KCMF1: variants seen among roughly 807,000 people sequenced by gnomAD.
KCMF1 encodes the protein E3 ubiquitin-protein ligase KCMF1.
Under a neutral mutation model 41.1 loss-of-function variants are expected in KCMF1, and 3 were observed. The ratio of observed to expected loss-of-function variants is 0.07; its 90% confidence interval spans 0.03 to 0.19. KCMF1 has a LOEUF of 0.19. KCMF1 is among the 10% of genes least tolerant of loss of function. KCMF1 has a pLI of 1.00. For synonymous variants in KCMF1, 142 were observed against 164.5 expected (o/e 0.86, Z 1.04); for missense variants, 286 against 488.9 (o/e 0.58, Z 3.91).
At chr2:85,023,065 T>G in intron 1 of KCMF1, among the ~76,000 whole-genome samples, 1 of 151,348 alleles carries the variant, frequency 6.6e-6, no homozygotes, top group East Asian at 2.0e-4. Flanking sequence ...TTTTTTGTAT[T>G]TTTAGTAGAG....
At chr2:84,992,503 C>T (rs1350770185) in intron 1 of KCMF1, among the ~76,000 whole-genome samples, 2 of 152,100 alleles carry the variant, frequency 1.3e-5, no homozygotes, top group African/African-American at 2.4e-5. Flanking sequence ...TGAGCCACCG[C>T]GCCTGGCCCG....
intron 1 of KCMF1, among the ~76,000 whole-genome samples, chr2:85,003,477 CA>C (rs937465455): frequency 3.7e-4 from 53 of 142,388 alleles, no homozygotes; most frequent in African/African-American, 6.9e-4. Context: ...GACTCCGTCT[CA>C]AAAAAAAAAA....
chr2:84,972,747 C>T (rs1385974422), intron 1 of KCMF1, among the ~76,000 whole-genome samples: 1 of 152,206 alleles, frequency 6.6e-6, no homozygotes, highest in Non-Finnish European at 1.5e-5. Context: ...TTTCAAAATT[C>T]GCATTACTAA....
At chr2:85,021,853 G>C (rs575267207) in intron 1 of KCMF1, among the ~76,000 whole-genome samples, 2 of 152,192 alleles carry the variant, frequency 1.3e-5, no homozygotes, top group South Asian at 4.1e-4. Flanking sequence ...TCTTGCTCTT[G>C]TTCCCCAGGC....
At chr2:84,993,303 A>C (rs1247304954) in intron 1 of KCMF1, among the ~76,000 whole-genome samples, 1 of 152,162 alleles carries the variant, frequency 6.6e-6, no homozygotes, top group Non-Finnish European at 1.5e-5. Flanking sequence ...CTCATGACAT[A>C]ATAGATGTGT....
intron 1 of KCMF1, among the ~76,000 whole-genome samples, chr2:85,018,531 A>G (rs979837906): frequency 5.3e-5 from 8 of 152,024 alleles, no homozygotes; most frequent in Non-Finnish European, 7.4e-5. Context: ...CGGCCTCCCA[A>G]AGCCCTGGGA....
At chr2:84,993,868 G>A (rs111274319) in intron 1 of KCMF1, among the ~76,000 whole-genome samples, 2,661 of 151,538 alleles carry the variant, frequency 0.018, 62 homozygotes, top group African/African-American at 0.061. Flanking sequence ...GAGCTACTGC[G>A]CTTGACCTAC....
chr2:85,056,091 T>C lies in KCMF1; in HGVS notation c.*2682T>C, dbSNP rs964731467. 2.0e-5 allele frequency: 3 copies of C among 151,072 alleles called. No individual in the cohort carries two copies. Among genetic ancestry groups the C allele is most frequent in the African/African-American group, 7.4e-5 (3 of 40,808 alleles). The allele number at this position is 151,072 out of a possible 1,614,324, so 9.4% of individuals were successfully genotyped here. On this transcript the variant is annotated 3_prime_UTR_variant, in exon 7 of 7. Coordinates refer to ENST00000409785, the MANE Select transcript of KCMF1 (RefSeq NM_020122.5). ...GTGGTTGGCTACCGTGAAATCTTTGTATTTATATTGCATTGTTTTGTTAAA... is the reference window on the plus strand; with the variant it reads ...GTGGTTGGCTACCGTGAAATCTTTGCATTTATATTGCATTGTTTTGTTAAA...
intron 1 of KCMF1, among the ~76,000 whole-genome samples, chr2:85,013,078 T>C (rs1674686585): frequency 6.6e-6 from 1 of 152,214 alleles, no homozygotes; most frequent in Non-Finnish European, 1.5e-5. Flanking sequence ...CTTCCCCAGC[T>C]AGAACAAGTC....
intron 1 of KCMF1, among the ~76,000 whole-genome samples, chr2:85,008,899 G>A (rs981970359): frequency 6.6e-6 from 1 of 151,756 alleles, no homozygotes; most frequent in African/African-American, 2.4e-5. Flanking sequence ...TCAAATAGCT[G>A]GCAGTTTTTT....
intron 1 of KCMF1, among the ~76,000 whole-genome samples, chr2:84,995,027 A>AT (rs55946241): frequency 0.068 from 9,943 of 147,016 alleles, 537 homozygotes; most frequent in East Asian, 0.33. Flanking sequence ...AATTTTATTA[A>AT]TTTTTTTTTT....
chr2:84,979,583 C>T (rs2103963716), intron 1 of KCMF1, among the ~76,000 whole-genome samples: 1 of 151,334 alleles, frequency 6.6e-6, no homozygotes, highest in South Asian at 2.1e-4. Context: ...TGCATATGGA[C>T]TCAAAGGAAG....
intron 1 of KCMF1, among the ~76,000 whole-genome samples, chr2:84,976,813 A>G (rs141884147): frequency 0.01 from 1,589 of 152,180 alleles, 13 homozygotes; most frequent in Admixed American, 0.021. Flanking sequence ...TTTAAAATGT[A>G]AAATACAAGA....
At chr2:85,036,672 G>C (rs1437066025) in intron 3 of KCMF1, among the ~76,000 whole-genome samples, 2 of 151,846 alleles carry the variant, frequency 1.3e-5, no homozygotes, top group Admixed American at 1.3e-4. Context: ...CATACCTGTG[G>C]TCCCAGCTAC....
chr2:85,026,492 A>ATTATTTTTTTTT (rs1553381471), intron 1 of KCMF1, among the ~76,000 whole-genome samples: 20 of 143,142 alleles, frequency 1.4e-4, no homozygotes, highest in African/African-American at 5.1e-4. Flanking sequence ...TATTATTATT[A>ATTATTTTTTTTT]TTATTTTTAT....
intron 1 of KCMF1, among the ~76,000 whole-genome samples, chr2:85,013,193 G>T (rs1674689054): frequency 6.6e-6 from 1 of 151,992 alleles, no homozygotes; most frequent in African/African-American, 2.4e-5. Flanking sequence ...TCCCCATTTA[G>T]GCTCTAAGCA....
At position 85,030,848 on chromosome 2, in the gene KCMF1, C is replaced by T. The variant is rs1675249639; in HGVS notation, c.184+2792C>T. Among the ~76,000 whole-genome samples the T allele has an allele frequency of 2.6e-5, 4 of 152,184 alleles. No individual in the cohort carries two copies. In the South Asian group the frequency reaches 8.3e-4, roughly 31 times the overall value. ...AGTAATTGGGATCACAGGTGGAAGCCACCACGCCTAGCTGATTTTTAAATT... is the reference window on the plus strand; with the variant it reads ...AGTAATTGGGATCACAGGTGGAAGCTACCACGCCTAGCTGATTTTTAAATT... On this transcript the variant is annotated intron_variant, in intron 2 of 6. Transcript: ENST00000409785.
intron 1 of KCMF1, among the ~76,000 whole-genome samples, chr2:84,998,248 T>C (rs1553378124): frequency 6.6e-6 from 1 of 150,788 alleles, no homozygotes; most frequent in African/African-American, 2.4e-5. Flanking sequence ...CACGCCACCA[T>C]GCCCGGCTGA....
chr2:85,058,363 C>G lies in KCMF1; in HGVS notation c.*4954C>G, dbSNP rs910384749. The G allele has an allele frequency of 6.6e-6, 1 of 151,984 alleles. No homozygotes were observed. The highest frequency in any genetic ancestry group is 1.5e-5 in the Non-Finnish European group (1 of 68,112). The allele number at this position is 151,984 out of a possible 1,614,324, so 9.4% of individuals were successfully genotyped here. A position where few individuals can be genotyped will look rare whatever the true frequency, so the allele number is the denominator to read the frequency against. On this transcript the variant is annotated 3_prime_UTR_variant, in exon 7 of 7. Coordinates refer to ENST00000409785, the MANE Select transcript of KCMF1 (RefSeq NM_020122.5). Reference sequence around the variant, plus strand: ...CGCCACTGCACTCCAGCCTGGGCGACACAGTGAGACTCTCCTCAAAACAAA... The same window carrying G: ...CGCCACTGCACTCCAGCCTGGGCGAGACAGTGAGACTCTCCTCAAAACAAA...
Sources: allele counts gnomAD v4.1 joint callset (sites outside exome capture counted in the v4.1 genomes callset), GRCh38; gene constraint gnomAD v4.1.1; transcripts MANE v1.5; gene names NCBI Gene and HGNC (gene_info 2026-07-23, HGNC 2026-07-21).